DCC: variants seen among roughly 807,000 people sequenced by gnomAD.
DCC encodes netrin receptor DCC.
Under a neutral mutation model 172.5 loss-of-function variants are expected in DCC, and 58 were observed. That is an observed-to-expected ratio of 0.34 (90% CI 0.27 to 0.42). The LOEUF (loss-of-function observed/expected upper bound fraction) is 0.42. Among genes scored for constraint, DCC ranks in the 10% least tolerant of loss-of-function variants. DCC has a pLI of 1.00. For synonymous variants in DCC, 709 were observed against 644.5 expected, an observed-to-expected ratio of 1.10 and a Z score of -1.52; for missense variants, 1,740 against 1,791.0, an observed-to-expected ratio of 0.97 and a Z score of 0.51.
At chr18:52,779,623 T>A (rs745517874) in intron 2 of DCC, among the ~76,000 whole-genome samples, 4 of 152,194 alleles carry the variant, frequency 2.6e-5, no homozygotes, top group Non-Finnish European at 4.4e-5. Flanking sequence ...TACATGCACA[T>A]GTGTCTTTAT....
intron 19 of DCC, among the ~76,000 whole-genome samples, chr18:53,408,317 A>G (rs754543860): frequency 6.6e-6 from 1 of 152,162 alleles, no homozygotes; most frequent in Non-Finnish European, 1.5e-5. Flanking sequence ...CAAGGCTGCA[A>G]ATTCAAATGT....
intron 1 of DCC, among the ~76,000 whole-genome samples, chr18:52,553,970 C>T (rs2032844527): frequency 6.6e-6 from 1 of 152,006 alleles, no homozygotes; most frequent in Middle Eastern, 3.2e-3. Context: ...GGTTCAATTC[C>T]CTCTCTATAG....
intron 22 of DCC, among the ~76,000 whole-genome samples, chr18:53,437,653 A>G (rs924752421): frequency 1.3e-5 from 2 of 151,722 alleles, no homozygotes; most frequent in African/African-American, 2.4e-5. Context: ...GACAGAAAAC[A>G]GACCCCAGGC....
intron 1 of DCC, among the ~76,000 whole-genome samples, chr18:52,463,391 A>G (rs1988690584): frequency 6.6e-6 from 1 of 152,118 alleles, no homozygotes; most frequent in African/African-American, 2.4e-5. Context: ...TAGAAGGATC[A>G]TTTGGTCATA....
intron 1 of DCC, among the ~76,000 whole-genome samples, chr18:52,580,005 C>G (rs1447171058): frequency 6.6e-6 from 1 of 152,174 alleles, no homozygotes; most frequent in Non-Finnish European, 1.5e-5. Flanking sequence ...ATGTATTGGA[C>G]ATATGCTTTT....
At chr18:52,901,929 A>G (rs2039815532) in intron 2 of DCC, among the ~76,000 whole-genome samples, 1 of 152,212 alleles carries the variant, frequency 6.6e-6, no homozygotes, top group South Asian at 2.1e-4. Flanking sequence ...GTATCTGCAA[A>G]TTGTGAGTAC....
intron 1 of DCC, among the ~76,000 whole-genome samples, chr18:52,402,468 A>T (rs906349092): frequency 1.3e-5 from 2 of 151,970 alleles, no homozygotes; most frequent in Non-Finnish European, 2.9e-5. Context: ...CCATCCTTTA[A>T]GTGCCCCAGG....
intron 9 of DCC, among the ~76,000 whole-genome samples, chr18:53,190,320 C>T (rs2055347228): frequency 6.6e-6 from 1 of 152,120 alleles, no homozygotes; most frequent in Non-Finnish European, 1.5e-5. Flanking sequence ...ATACTTTGAC[C>T]TGTAAAATAT....
intron 2 of DCC, among the ~76,000 whole-genome samples, chr18:52,777,126 C>T (rs370048945): frequency 1.1e-4 from 17 of 152,220 alleles, no homozygotes; most frequent in South Asian, 2.1e-4. Flanking sequence ...TTTGGTGCCC[C>T]GTTAACTTTT....
At chr18:52,699,060 A>G (rs1020802711) in intron 1 of DCC, among the ~76,000 whole-genome samples, 3 of 152,202 alleles carry the variant, frequency 2.0e-5, no homozygotes, top group Non-Finnish European at 4.4e-5. Context: ...TGAATAACTG[A>G]ATGAACATGT....
intron 2 of DCC, among the ~76,000 whole-genome samples, chr18:52,846,311 G>T (rs1857989374): frequency 6.6e-6 from 1 of 152,228 alleles, no homozygotes; most frequent in East Asian, 1.9e-4. Context: ...GGAAGCTGAC[G>T]CAGGCAGATT....
chr18:52,931,467 TTAAC>T (rs1276338246), intron 5 of DCC, among the ~76,000 whole-genome samples: 2 of 152,156 alleles, frequency 1.3e-5, no homozygotes, highest in Non-Finnish European at 2.9e-5. Context: ...TTTCTTGTAC[TTAAC>T]TGTCTGTGAA....
intron 7 of DCC, among the ~76,000 whole-genome samples, chr18:53,075,961 A>C (rs2144120402): frequency 6.6e-6 from 1 of 152,210 alleles, no homozygotes; most frequent in Admixed American, 6.5e-5. Flanking sequence ...GCTTACCCAA[A>C]TTCCTGTCCC....
rs868586869 is a variant in DCC at position 53,486,690 on chromosome 18, G to C, written c.3737-107G>C. 9.6e-6 allele frequency: 14 copies of C among 1,459,592 alleles called. No homozygotes were observed. The South Asian group carries it at 1.4e-4, about 15-fold the overall frequency. The allele number at this position is 1,459,592 out of a possible 1,614,324, so 90.4% of individuals were successfully genotyped here. ...AGTAAGGGAACCTAGTTGATACTAT[G>C]AAGAGTGTGTATAGATTTGAGGATC... On this transcript the variant is annotated intron_variant, in intron 25 of 28. Coordinates refer to ENST00000442544, the MANE Select transcript of DCC (RefSeq NM_005215.4).
intron 12 of DCC, among the ~76,000 whole-genome samples, chr18:53,242,195 T>A (rs1423413591): frequency 6.6e-6 from 1 of 152,058 alleles, no homozygotes; most frequent in Non-Finnish European, 1.5e-5. Context: ...AGCTGCAAAT[T>A]TCAAGGGAAG....
chr18:53,286,458 G>T (rs2056936888), intron 12 of DCC, among the ~76,000 whole-genome samples: 1 of 152,104 alleles, frequency 6.6e-6, no homozygotes, highest in African/African-American at 2.4e-5. Context: ...TGATTGTGAG[G>T]CCTTCTAGTG....
chr18:53,124,886 C>A (rs1428685526), intron 7 of DCC, among the ~76,000 whole-genome samples: 1 of 151,850 alleles, frequency 6.6e-6, no homozygotes, highest in Non-Finnish European at 1.5e-5. Context: ...AGGAGAATAG[C>A]TTGAACCCAG....
intron 8 of DCC, among the ~76,000 whole-genome samples, chr18:53,175,620 G>C (rs2055080137): frequency 1.3e-5 from 2 of 151,424 alleles, no homozygotes; most frequent in Non-Finnish European, 2.9e-5. Context: ...CAACTTACAA[G>C]GGATGTGAAG....
intron 1 of DCC, among the ~76,000 whole-genome samples, chr18:52,366,603 T>C (rs904214294): frequency 6.6e-6 from 1 of 151,774 alleles, no homozygotes; most frequent in African/African-American, 2.4e-5. Flanking sequence ...AGAGTGTCGA[T>C]TGGTGCGCTC....
Sources: allele counts gnomAD v4.1 joint callset (sites outside exome capture counted in the v4.1 genomes callset), GRCh38; gene constraint gnomAD v4.1.1; transcripts MANE v1.5; gene names NCBI Gene and HGNC (gene_info 2026-07-23, HGNC 2026-07-21).